TMEM158: variants seen among roughly 807,000 people sequenced by gnomAD.
TMEM158 encodes 40 kDa BINP-binding protein.
TMEM158 carries 7 observed loss-of-function variants against 12.0 expected under a neutral mutation model. The observed-to-expected ratio is 0.59, with a 90% CI of 0.33 to 1.10. The LOEUF (loss-of-function observed/expected upper bound fraction) is 1.10. Among genes scored for constraint, TMEM158 ranks in the 50% least tolerant of loss-of-function variants. TMEM158 has a pLI of 0.03. For synonymous variants in TMEM158, 209 were observed against 231.1 expected (o/e 0.90, Z 0.87); for missense variants, 405 against 454.7 (o/e 0.89, Z 0.99).
chr3:45,225,387 C>A lies in TMEM158; in HGVS notation c.641G>T (p.Arg214Leu). The A allele has an allele frequency of 6.7e-7, 1 of 1,502,390 alleles. No individual in the cohort carries two copies. The highest frequency in any genetic ancestry group is 1.3e-5 in the South Asian group (1 of 78,300). The allele number at this position is 1,502,390 out of a possible 1,614,324, so 93.1% of individuals were successfully genotyped here. Residue 214 changes from arginine (R) to leucine (L), a missense_variant, in exon 1 of 1, where the codon CGG (arginine) becomes CTG (leucine). Physicochemically the swap from Arg to Leu is moderately radical, Grantham distance 102. Coordinates refer to ENST00000503771, the MANE Select transcript of TMEM158 (RefSeq NM_015444.3). The surrounding 1 kb of genome is among the most constrained non-coding windows in gnomAD (Gnocchi z 5.7). ...LEELQGEPGWRLNRKPIESTL... is the reference protein window; with the variant it reads ...LEELQGEPGWLLNRKPIESTL... ...GGACTCAATGGGCTTACGGTTCAGC[C>A]GCCAGCCCGGCTCGCCCTGCAGCTC... is the stretch of plus-strand genomic sequence containing the variant.
Position 45,226,072 on chromosome 3 carries a change from A to G in TMEM158, c.-45T>C. On this transcript the variant is annotated 5_prime_UTR_variant, in exon 1 of 1. It removes an upstream start codon present in the reference 5' UTR. Coordinates refer to ENST00000503771, the MANE Select transcript of TMEM158 (RefSeq NM_015444.3). ...CGCGCGCGAGGCCGGCGGCGGTTGCATGGCGAGCGGGCGACGGGCCGGCGA... is the reference window on the plus strand; with the variant it reads ...CGCGCGCGAGGCCGGCGGCGGTTGCGTGGCGAGCGGGCGACGGGCCGGCGA... The G allele has an allele frequency of 1.0e-6, 1 of 982,842 alleles. No individual in the cohort carries two copies. The highest frequency in any genetic ancestry group is 1.2e-6 in the Non-Finnish European group (1 of 829,832). The allele number at this position is 982,842 out of a possible 1,614,324, so 60.9% of individuals were successfully genotyped here.
chr3:45,225,248 C>T lies in TMEM158; in HGVS notation c.780G>A (p.Arg260=). 7.3e-7 allele frequency: 1 copy of T among 1,366,786 alleles called. No individual in the cohort carries two copies. Among genetic ancestry groups the T allele is most frequent in the Non-Finnish European group, 9.6e-7 (1 of 1,046,550 alleles). 84.7% of individuals were successfully genotyped at this position (1,366,786 alleles called of 1,614,324 possible). A position where few individuals can be genotyped will look rare whatever the true frequency, so the allele number is the denominator to read the frequency against. ...TGGCTGCGGTGGTGCTGGCGGTGGT[C>T]CGGCGCTGTTCCATGCCGTTGGGCA... is the stretch of plus-strand genomic sequence containing the variant. The part of the protein sequence containing the change: ...GFLPNGMEQR[R]TTASTTAATP... The change falls in exon 1 of 1, where the codon CGG becomes CGA. Residue 260 remains arginine, a synonymous_variant. Coordinates refer to ENST00000503771, the MANE Select transcript of TMEM158 (RefSeq NM_015444.3). The surrounding 1 kb of genome is among the most constrained non-coding windows in gnomAD (Gnocchi z 5.7).
rs1204264525 is a variant in TMEM158, at chr3:45,225,025, C to A, written c.*100G>T. On this transcript the variant is annotated 3_prime_UTR_variant, in exon 1 of 1. Coordinates refer to ENST00000503771, the MANE Select transcript of TMEM158 (RefSeq NM_015444.3). This position sits in a 1 kb window ranked among gnomAD's most constrained non-coding sequence, Gnocchi z 5.7. ...GGCGGCCCCATCTCGGGAAGAGGAA[C>A]TAACGATAACTACAGCACGAAGCAC... is the stretch of plus-strand genomic sequence containing the variant. 1.7e-6 allele frequency: 2 copies of A among 1,196,588 alleles called. No individual in the cohort carries two copies. The highest frequency in any genetic ancestry group is 3.2e-5 in the African/African-American group (2 of 62,944). 74.1% of individuals were successfully genotyped at this position (1,196,588 alleles called of 1,614,324 possible).
At position 45,225,336 on chromosome 3, in the gene TMEM158, A is replaced by G; in HGVS notation, c.692T>C (p.Leu231Pro). 1.3e-6 allele frequency: 2 copies of G among 1,524,582 alleles called. No homozygotes were observed. Among genetic ancestry groups the G allele is most frequent in the Non-Finnish European group, 1.8e-6 (2 of 1,133,620 alleles). The allele number at this position is 1,524,582 out of a possible 1,614,324, so 94.4% of individuals were successfully genotyped here. A position where few individuals can be genotyped will look rare whatever the true frequency, so the allele number is the denominator to read the frequency against. Residue 231 changes from leucine (L) to proline (P), a missense_variant, in exon 1 of 1, where the codon CTG becomes CCG. By Grantham distance (98) the Leu-to-Pro change is moderately conservative. Coordinates refer to ENST00000503771, the MANE Select transcript of TMEM158 (RefSeq NM_015444.3). This position sits in a 1 kb window ranked among gnomAD's most constrained non-coding sequence, Gnocchi z 5.7. Reference protein sequence around the residue: ...ESTLVACFMTLVIVVWSVAAL... With the variant: ...ESTLVACFMTPVIVVWSVAAL... ...GGCCACGCTCCACACCACGATGACC[A>G]GGGTCATGAAGCAGGCCACCAGCGT...
Position 45,225,099 on chromosome 3 carries a change from A to G in TMEM158, c.*26T>C. 8.1e-7 allele frequency: 1 copy of G among 1,237,428 alleles called. No individual in the cohort carries two copies. 76.7% of individuals were successfully genotyped at this position (1,237,428 alleles called of 1,614,324 possible). A position where few individuals can be genotyped will look rare whatever the true frequency, so the allele number is the denominator to read the frequency against. On this transcript the variant is annotated 3_prime_UTR_variant, in exon 1 of 1. Transcript: ENST00000503771. This position sits in a 1 kb window ranked among gnomAD's most constrained non-coding sequence, Gnocchi z 5.7. ...AGGCACCCGCGCGCGCGGACACAGG[A>G]CGGACACAGGGAGGAGCGGAGCGGG...
Position 45,225,629 on chromosome 3 carries a change from C to G in TMEM158, c.399G>C (p.Ala133=). Residue 133 remains alanine, a synonymous_variant, in exon 1 of 1, where the codon GCG becomes GCC. Transcript: ENST00000503771. This position sits in a 1 kb window ranked among gnomAD's most constrained non-coding sequence, Gnocchi z 5.7. ...PLLIEHLGLA[A]GGAQQDLRLC... ...GGCGCAGGTCCTGCTGCGCGCCGCC[C>G]GCCGCCAGCCCCAGGTGCTCGATGA... 1 of 1,400,510 alleles carries G rather than the reference C, an allele frequency of 7.1e-7. No individual in the cohort carries two copies. The highest frequency in any genetic ancestry group is 3.3e-5 in the East Asian group (1 of 30,210). The allele number at this position is 1,400,510 out of a possible 1,614,324, so 86.8% of individuals were successfully genotyped here.
Position 45,224,901 on chromosome 3 carries a change from G to T in TMEM158, c.*224C>A. The T allele has an allele frequency of 1.4e-6, 1 of 711,278 alleles. No individual in the cohort carries two copies. Among genetic ancestry groups the T allele is most frequent in the Non-Finnish European group, 1.9e-6 (1 of 526,800 alleles). 44.1% of individuals were successfully genotyped at this position (711,278 alleles called of 1,614,324 possible). The stretch of plus-strand genomic sequence containing the variant: ...CCCATTTCCCTCCTCTCCGTCTTCG[G>T]AGCTGCGATCCCACCCTCAGTCCAA... On this transcript the variant is annotated 3_prime_UTR_variant, in exon 1 of 1. Coordinates refer to ENST00000503771, the MANE Select transcript of TMEM158 (RefSeq NM_015444.3).
At position 45,225,540 on chromosome 3, in the gene TMEM158, G is replaced by C. The variant is rs1328623661; in HGVS notation, c.488C>G (p.Pro163Arg). The part of the protein sequence containing the change: ...RTGRLRPAAA[P>R]SAAAATAGAP... ...CCCGGCGGTGGCGGCGGCGGCGCTG[G>C]GGGCGGCGGCGGGCCGGAGGCGGCC... Residue 163 changes from proline to arginine, a missense_variant, in exon 1 of 1, where the codon CCC becomes CGC. Coordinates refer to ENST00000503771, the MANE Select transcript of TMEM158 (RefSeq NM_015444.3). The surrounding 1 kb of genome is among the most constrained non-coding windows in gnomAD (Gnocchi z 5.7). 1 of 1,029,464 alleles carries C rather than the reference G, an allele frequency of 9.7e-7. No homozygotes were observed. The highest frequency in any genetic ancestry group is 1.7e-5 in the African/African-American group (1 of 57,392). The allele number at this position is 1,029,464 out of a possible 1,614,324, so 63.8% of individuals were successfully genotyped here.
chr3:45,226,198 G>A lies in TMEM158; in HGVS notation c.-171C>T. On this transcript the variant is annotated 5_prime_UTR_variant, in exon 1 of 1. Coordinates refer to ENST00000503771, the MANE Select transcript of TMEM158 (RefSeq NM_015444.3). The stretch of plus-strand genomic sequence containing the variant: ...CGGCGCGGAGGCGGTGACGGCGGCT[G>A]GCTCGGCGCGGGGATCCCTCCAGAC... 5.7e-6 allele frequency: 5 copies of A among 870,032 alleles called. No individual in the cohort carries two copies. Among genetic ancestry groups the A allele is most frequent in the Non-Finnish European group, 4.1e-6 (3 of 726,106 alleles). 53.9% of individuals were successfully genotyped at this position (870,032 alleles called of 1,614,324 possible).
Position 45,225,282 on chromosome 3 carries a change from G to A in TMEM158, c.746C>T (p.Ala249Val). The change falls in exon 1 of 1, where the codon GCC becomes GTC. Residue 249 changes from alanine to valine, a missense_variant. Ala to Val is a moderately conservative substitution (Grantham distance 64, BLOSUM62 0). Transcript: ENST00000503771. The surrounding 1 kb of genome is among the most constrained non-coding windows in gnomAD (Gnocchi z 5.7). Reference protein sequence around the residue: ...AALIWPVPIIAGFLPNGMEQR... With the variant: ...AALIWPVPIIVGFLPNGMEQR... ...TTCCATGCCGTTGGGCAGGAAGCCG[G>A]CGATGATGGGCACCGGCCAGATGAG... The A allele has an allele frequency of 1.4e-6, 2 of 1,450,742 alleles. No homozygotes were observed. Among genetic ancestry groups the A allele is most frequent in the Non-Finnish European group, 1.8e-6 (2 of 1,090,482 alleles). The allele number at this position is 1,450,742 out of a possible 1,614,324, so 89.9% of individuals were successfully genotyped here.
At position 45,225,351 on chromosome 3, in the gene TMEM158, G is replaced by T; in HGVS notation, c.677C>A (p.Ala226Asp). 6.5e-7 allele frequency: 1 copy of T among 1,528,224 alleles called. No individual in the cohort carries two copies. The highest frequency in any genetic ancestry group is 1.2e-5 in the South Asian group (1 of 81,106). 94.7% of individuals were successfully genotyped at this position (1,528,224 alleles called of 1,614,324 possible). A position where few individuals can be genotyped will look rare whatever the true frequency, so the allele number is the denominator to read the frequency against. Residue 226 changes from alanine (A) to aspartate (D), a missense_variant, in exon 1 of 1, where the codon GCC becomes GAC. Transcript: ENST00000503771. This position sits in a 1 kb window ranked among gnomAD's most constrained non-coding sequence, Gnocchi z 5.7. ...CACGATGACCAGGGTCATGAAGCAG[G>T]CCACCAGCGTGGACTCAATGGGCTT... ...NRKPIESTLV[A>D]CFMTLVIVVW...
At position 45,224,543 on chromosome 3, in the gene TMEM158, A is replaced by C. The variant is rs113328738; in HGVS notation, c.*582T>G. On this transcript the variant is annotated 3_prime_UTR_variant, in exon 1 of 1. Coordinates refer to ENST00000503771, the MANE Select transcript of TMEM158 (RefSeq NM_015444.3). ...AACGCCCACCAGGCCACGTCACTGGATAGATCAACTTGGAAAAGGTTCATA... is the reference window on the plus strand; with the variant it reads ...AACGCCCACCAGGCCACGTCACTGGCTAGATCAACTTGGAAAAGGTTCATA... 5.4e-3 allele frequency: 823 copies of C among 152,796 alleles called. 11 individuals carry two copies. The highest frequency in any genetic ancestry group is 4.2e-3 in the Non-Finnish European group (287 of 68,052). The allele number at this position is 152,796 out of a possible 1,614,324, so 9.5% of individuals were successfully genotyped here.
Position 45,224,882 on chromosome 3 carries a change from T to A in TMEM158, c.*243A>T, listed in dbSNP as rs1314081150. ...GCAATAGAGGGGAAAGGGCCCCATT[T>A]CCCTCCTCTCCGTCTTCGGAGCTGC... On this transcript the variant is annotated 3_prime_UTR_variant, in exon 1 of 1. Transcript: ENST00000503771. 3 of 565,442 alleles carry A rather than the reference T, an allele frequency of 5.3e-6. No individual in the cohort carries two copies. The East Asian group carries it at 1.3e-4, about 25-fold the overall frequency. The allele number at this position is 565,442 out of a possible 1,614,324, so 35.0% of individuals were successfully genotyped here.
Position 45,225,418 on chromosome 3 carries a change from G to A in TMEM158, c.610C>T (p.Leu204=). 1.4e-6 allele frequency: 2 copies of A among 1,456,998 alleles called. No individual in the cohort carries two copies. The highest frequency in any genetic ancestry group is 1.8e-6 in the Non-Finnish European group (2 of 1,093,948). 90.3% of individuals were successfully genotyped at this position (1,456,998 alleles called of 1,614,324 possible). Reference sequence around the variant, plus strand: ...CCCGGCTCGCCCTGCAGCTCCTCCAGGCTGAAGTCTAGGCAGCAGAAATGC... The same window carrying A: ...CCCGGCTCGCCCTGCAGCTCCTCCAAGCTGAAGTCTAGGCAGCAGAAATGC... ...PLHFCCLDFS[L]EELQGEPGWR... The change falls in exon 1 of 1, where the codon CTG becomes TTG. Residue 204 remains leucine (L), a synonymous_variant. Coordinates refer to ENST00000503771, the MANE Select transcript of TMEM158 (RefSeq NM_015444.3). The surrounding 1 kb of genome is among the most constrained non-coding windows in gnomAD (Gnocchi z 5.7).
rs1009277676 is a variant in TMEM158, at chr3:45,225,522, GTGGCGGCGGCGGCGC to G, written c.491_505del (p.Ser164_Ala168del). 4.9e-4 allele frequency: 535 copies of G among 1,093,416 alleles called. No individual in the cohort carries two copies. Among genetic ancestry groups the G allele is most frequent in the Non-Finnish European group, 5.6e-4 (502 of 897,676 alleles). The allele number at this position is 1,093,416 out of a possible 1,614,324, so 67.7% of individuals were successfully genotyped here. A position where few individuals can be genotyped will look rare whatever the true frequency, so the allele number is the denominator to read the frequency against. ...TGGCAGCGCGGTGGGCGCCCCGGCG[GTGGCGGCGGCGGCGC>G]TGGGGGCGGCGGCGGGCCGGAGGCG... On this transcript the variant is annotated inframe_deletion, in exon 1 of 1. Transcript: ENST00000503771. The surrounding 1 kb of genome is among the most constrained non-coding windows in gnomAD (Gnocchi z 5.7).
Position 45,225,714 on chromosome 3 carries a change from G to C in TMEM158, c.314C>G (p.Thr105Ser), listed in dbSNP as rs766690723. Residue 105 changes from threonine (T) to serine (S), a missense_variant, in exon 1 of 1, where the codon ACC becomes AGC. By Grantham distance (58) the Thr-to-Ser change is moderately conservative. Coordinates refer to ENST00000503771, the MANE Select transcript of TMEM158 (RefSeq NM_015444.3). The surrounding 1 kb of genome is among the most constrained non-coding windows in gnomAD (Gnocchi z 5.7). ...GAAGAAAGCGCGGCCGTGCGCGTTG[G>C]TGGAGAAGAGCAGTAGGTCGCACTG... The part of the protein sequence containing the change: ...GFQCDLLLFS[T>S]NAHGRAFFAA... The C allele has an allele frequency of 6.8e-7, 1 of 1,465,266 alleles. No homozygotes were observed. The highest frequency in any genetic ancestry group is 9.0e-7 in the Non-Finnish European group (1 of 1,106,078). 90.8% of individuals were successfully genotyped at this position (1,465,266 alleles called of 1,614,324 possible).
In TMEM158 at chr3:45,225,285, A is replaced by T; in HGVS notation, c.743T>A (p.Ile248Asn). ...VAALIWPVPIIAGFLPNGMEQ... is the reference protein window; with the variant it reads ...VAALIWPVPINAGFLPNGMEQ... Reference sequence around the variant, plus strand: ...CATGCCGTTGGGCAGGAAGCCGGCGATGATGGGCACCGGCCAGATGAGGGC... The same window carrying T: ...CATGCCGTTGGGCAGGAAGCCGGCGTTGATGGGCACCGGCCAGATGAGGGC... The change falls in exon 1 of 1, where the codon ATC becomes AAC. Residue 248 changes from isoleucine to asparagine, a missense_variant. Coordinates refer to ENST00000503771, the MANE Select transcript of TMEM158 (RefSeq NM_015444.3). This position sits in a 1 kb window ranked among gnomAD's most constrained non-coding sequence, Gnocchi z 5.7. 1 of 1,454,788 alleles carries T rather than the reference A, an allele frequency of 6.9e-7. No individual in the cohort carries two copies. The highest frequency in any genetic ancestry group is 9.1e-7 in the Non-Finnish European group (1 of 1,092,906). 90.1% of individuals were successfully genotyped at this position (1,454,788 alleles called of 1,614,324 possible). A position where few individuals can be genotyped will look rare whatever the true frequency, so the allele number is the denominator to read the frequency against.
Position 45,225,514 on chromosome 3 carries a change from C to T in TMEM158, c.514G>A (p.Ala172Thr), listed in dbSNP as rs1238115208. Residue 172 changes from alanine (A) to threonine (T), a missense_variant, in exon 1 of 1, where the codon GCG becomes ACG. Physicochemically the swap from Ala to Thr is moderately conservative, Grantham distance 58. Coordinates refer to ENST00000503771, the MANE Select transcript of TMEM158 (RefSeq NM_015444.3). This position sits in a 1 kb window ranked among gnomAD's most constrained non-coding sequence, Gnocchi z 5.7. ...GGGTAGGCTGGCAGCGCGGTGGGCG[C>T]CCCGGCGGTGGCGGCGGCGGCGCTG... is the stretch of plus-strand genomic sequence containing the variant. ...APSAAAATAG[A>T]PTALPAYPAA... The T allele has an allele frequency of 9.6e-6, 11 of 1,146,390 alleles. No homozygotes were observed. The highest frequency in any genetic ancestry group is 1.1e-5 in the Non-Finnish European group (10 of 928,792). 71.0% of individuals were successfully genotyped at this position (1,146,390 alleles called of 1,614,324 possible).
At position 45,226,194 on chromosome 3, in the gene TMEM158, G is replaced by A. The variant is rs1700158501; in HGVS notation, c.-167C>T. ...GGGGCGGCGCGGAGGCGGTGACGGC[G>A]GCTGGCTCGGCGCGGGGATCCCTCC... On this transcript the variant is annotated 5_prime_UTR_variant, in exon 1 of 1. Coordinates refer to ENST00000503771, the MANE Select transcript of TMEM158 (RefSeq NM_015444.3). 3 of 886,778 alleles carry A rather than the reference G, an allele frequency of 3.4e-6. No individual in the cohort carries two copies. The highest frequency in any genetic ancestry group is 3.6e-5 in the African/African-American group (2 of 55,014). The allele number at this position is 886,778 out of a possible 1,614,324, so 54.9% of individuals were successfully genotyped here. A position where few individuals can be genotyped will look rare whatever the true frequency, so the allele number is the denominator to read the frequency against.
Sources: allele counts gnomAD v4.1 joint callset, GRCh38; gene constraint gnomAD v4.1.1; non-coding constraint Gnocchi (gnomAD v3.1); transcripts MANE v1.5; gene names NCBI Gene and HGNC (gene_info 2026-07-23, HGNC 2026-07-21).